The following PLD5 variants were observed in gnomAD, a reference collection of about 807,000 sequenced individuals.
PLD5 encodes phospholipase D family member 5.
PLD5 carries 36 observed loss-of-function variants against 61.1 expected under a neutral mutation model. The observed-to-expected ratio is 0.59, with a 90% confidence interval of 0.45 to 0.78. PLD5 has a LOEUF of 0.78. Ranked by LOEUF, PLD5 falls within the 30% of genes least tolerant of loss-of-function variation. PLD5 has a pLI of 0.00. For missense variants in PLD5, 515 were observed against 644.4 expected (o/e 0.80, Z 2.17); for synonymous variants, 243 against 242.8 (o/e 1.00, Z -0.01).
intron 4 of PLD5, among the ~76,000 whole-genome samples, chr1:242,262,454 T>G (rs1673429417): frequency 6.6e-6 from 1 of 152,210 alleles, no homozygotes; most frequent in Non-Finnish European, 1.5e-5. Flanking sequence ...TGCATGATAT[T>G]CCTCAGGCAT....
intron 5 of PLD5, among the ~76,000 whole-genome samples, chr1:242,169,092 A>G (rs1666551422): frequency 6.6e-6 from 1 of 151,912 alleles, no homozygotes. Flanking sequence ...CATGAAGCCT[A>G]CCTTTCTCAG....
chr1:242,180,911 A>C (rs1373724192), intron 5 of PLD5, among the ~76,000 whole-genome samples: 1 of 152,170 alleles, frequency 6.6e-6, no homozygotes, highest in Non-Finnish European at 1.5e-5. Context: ...TGAGCCCAGG[A>C]GGTCAAGGCT....
At chr1:242,446,581 A>G (rs900403912) in intron 1 of PLD5, among the ~76,000 whole-genome samples, 1 of 152,154 alleles carries the variant, frequency 6.6e-6, no homozygotes, top group Admixed American at 6.6e-5. Flanking sequence ...TTCTATCTAA[A>G]AAGAAAAAAG....
Position 242,511,716 on chromosome 1 carries a change from C to T in PLD5, c.189+12372G>A, listed in dbSNP as rs376425855. On this transcript the variant is annotated intron_variant, in intron 1 of 9. Coordinates refer to ENST00000536534, the MANE Select transcript of PLD5 (RefSeq NM_001372062.1). ...GAAACTGTCATGGACAAGAGGTGAC[C>T]AGGGACACACAGCAACTAAATGCAA... Among the ~76,000 whole-genome samples, 18 of 152,090 alleles carry T rather than the reference C, an allele frequency of 1.2e-4. 1 individual carries two copies. Among genetic ancestry groups the T allele is most frequent in the East Asian group, 9.7e-4 (5 of 5,174 alleles).
chr1:242,457,572 C>T (rs941906598), intron 1 of PLD5, among the ~76,000 whole-genome samples: 1 of 152,112 alleles, frequency 6.6e-6, no homozygotes, highest in Non-Finnish European at 1.5e-5. Context: ...CTGCTAGACA[C>T]CTAAAATTGT....
At chr1:242,348,582 T>C (rs1434605939) in intron 1 of PLD5, among the ~76,000 whole-genome samples, 1 of 152,168 alleles carries the variant, frequency 6.6e-6, no homozygotes, top group Non-Finnish European at 1.5e-5. Flanking sequence ...GAAACACATA[T>C]GCTAGCATCA....
At chr1:242,464,643 C>A (rs2102941519) in intron 1 of PLD5, among the ~76,000 whole-genome samples, 1 of 152,304 alleles carries the variant, frequency 6.6e-6, no homozygotes, top group African/African-American at 2.4e-5. Flanking sequence ...AGTAATCCAG[C>A]AATTCCAACT....
Position 242,524,337 on chromosome 1 carries a change from G to C in PLD5, c.-61C>G. 2.3e-6 allele frequency: 3 copies of C among 1,333,084 alleles called. No individual in the cohort carries two copies. The highest frequency in any genetic ancestry group is 2.9e-6 in the Non-Finnish European group (3 of 1,043,034). 82.6% of individuals were successfully genotyped at this position (1,333,084 alleles called of 1,614,324 possible). On this transcript the variant is annotated 5_prime_UTR_variant, in exon 1 of 10. Transcript: ENST00000536534. The stretch of plus-strand genomic sequence containing the variant: ...ACTCGGGACGGGCGCGCGGGGAGCC[G>C]GGCGCGGAGGGCGAGCGGGAGGCCC...
intron 2 of PLD5, among the ~76,000 whole-genome samples, chr1:242,332,872 T>C (rs917338322): frequency 6.6e-6 from 1 of 152,210 alleles, no homozygotes; most frequent in African/African-American, 2.4e-5. Flanking sequence ...CACTCGTAGA[T>C]ACCAAGTACT....
chr1:242,399,389 T>C (rs1014086112), intron 1 of PLD5, among the ~76,000 whole-genome samples: 2 of 152,224 alleles, frequency 1.3e-5, no homozygotes, highest in African/African-American at 4.8e-5. Flanking sequence ...GGCACTCACT[T>C]TTCTATGTCT....
chr1:242,520,687 T>G (rs930138664), intron 1 of PLD5, among the ~76,000 whole-genome samples: 1 of 152,012 alleles, frequency 6.6e-6, no homozygotes, highest in Non-Finnish European at 1.5e-5. Context: ...TCTTCCCCTT[T>G]AAAAAAGAAA....
chr1:242,296,557 A>T (rs1233914216), intron 2 of PLD5, among the ~76,000 whole-genome samples: 1 of 152,186 alleles, frequency 6.6e-6, no homozygotes, highest in African/African-American at 2.4e-5. Context: ...ACCTCTAGAC[A>T]TGGAAATAGT....
intron 4 of PLD5, among the ~76,000 whole-genome samples, chr1:242,262,225 T>C (rs548184365): frequency 6.6e-6 from 1 of 152,302 alleles, no homozygotes; most frequent in Non-Finnish European, 1.5e-5. Flanking sequence ...AATTCTGTGA[T>C]TCTATTTATA....
chr1:242,125,283 T>C (rs931732266), intron 5 of PLD5, among the ~76,000 whole-genome samples: 1 of 152,222 alleles, frequency 6.6e-6, no homozygotes, highest in Non-Finnish European at 1.5e-5. Context: ...TTAGTAATTA[T>C]TATTCTTATT....
rs903957288 is a variant in PLD5 at position 242,256,754 on chromosome 1, CTATCTA to C, written c.607+8577_607+8582del. 7.7e-5 allele frequency among the ~76,000 whole-genome samples: 7 copies of C among 90,406 alleles called. No homozygotes were observed. Among genetic ancestry groups the C allele is most frequent in the Non-Finnish European group, 1.3e-4 (6 of 46,220 alleles). The allele number at this position is 90,406 out of a possible 152,430, so 59.3% of individuals were successfully genotyped here. A position where few individuals can be genotyped will look rare whatever the true frequency, so the allele number is the denominator to read the frequency against. ...CAAATGAACTAAGACTATCATCTAT[CTATCTA>C]TCTATCTATCTATCTATCTATCTAT... On this transcript the variant is annotated intron_variant, in intron 4 of 9. Coordinates refer to ENST00000536534, the MANE Select transcript of PLD5 (RefSeq NM_001372062.1). The surrounding 1 kb of genome is among the most constrained non-coding windows in gnomAD (Gnocchi z 5.7).
intron 2 of PLD5, among the ~76,000 whole-genome samples, chr1:242,340,399 T>C (rs1574762070): frequency 6.6e-6 from 1 of 151,908 alleles, no homozygotes; most frequent in African/African-American, 2.4e-5. Flanking sequence ...CAAAGCAAAA[T>C]AGATCAAAGT....
At chr1:242,493,015 T>C (rs1572239021) in intron 1 of PLD5, among the ~76,000 whole-genome samples, 1 of 152,158 alleles carries the variant, frequency 6.6e-6, no homozygotes, top group East Asian at 1.9e-4. Flanking sequence ...ACACTATGTT[T>C]TGAATACACT....
At chr1:242,144,413 T>C (rs929100594) in intron 5 of PLD5, among the ~76,000 whole-genome samples, 2 of 152,096 alleles carry the variant, frequency 1.3e-5, no homozygotes, top group Non-Finnish European at 2.9e-5. Flanking sequence ...GTGGAAGAGA[T>C]AATGAAGTCC....
intron 3 of PLD5, among the ~76,000 whole-genome samples, chr1:242,275,504 G>T (rs1291211967): frequency 6.6e-6 from 1 of 152,044 alleles, no homozygotes; most frequent in Non-Finnish European, 1.5e-5. Flanking sequence ...AAATGACCTT[G>T]GATAAAGAGA....
Sources: allele counts gnomAD v4.1 joint callset (sites outside exome capture counted in the v4.1 genomes callset), GRCh38; gene constraint gnomAD v4.1.1; non-coding constraint Gnocchi (gnomAD v3.1); transcripts MANE v1.5; gene names NCBI Gene and HGNC (gene_info 2026-07-23, HGNC 2026-07-21).